Variants in USP53 observed in about 807,000 individuals in gnomAD.
USP53 encodes ubiquitin carboxyl-terminal hydrolase 53.
USP53 carries 71 observed loss-of-function variants against 94.9 expected under a neutral mutation model. The observed-to-expected ratio is 0.75, with a 90% CI of 0.62 to 0.91. The LOEUF is 0.91. USP53 is among the 40% of genes least tolerant of loss of function. The pLI, the probability that USP53 is intolerant of heterozygous loss-of-function variation, is 0.00. For missense variants in USP53, 1,173 were observed against 1,281.0 expected (o/e 0.92, Z 1.29); for synonymous variants, 375 against 422.7 (o/e 0.89, Z 1.39).
chr4:119,271,550 C>A lies in USP53; in HGVS notation c.1690C>A (p.Gln564Lys), dbSNP rs1369604962. The change falls in exon 16 of 19, where the codon CAA (glutamine) becomes AAA (lysine). Residue 564 changes from glutamine to lysine, a missense_variant. By Grantham distance (53) the Gln-to-Lys change is moderately conservative. Transcript: ENST00000692078. ...CACTGGATATGACACAGACAGCAGC[C>A]AAGATTCTAGGGATAGAGGAAACAG... is the stretch of plus-strand genomic sequence containing the variant. The part of the protein sequence containing the change: ...NGTGYDTDSS[Q>K]DSRDRGNSCD... 5 of 1,613,394 alleles carry A rather than the reference C, an allele frequency of 3.1e-6. No individual in the cohort carries two copies. In the African/African-American group the frequency reaches 4.0e-5, roughly 13 times the overall value.
intron 3 of USP53, among the ~76,000 whole-genome samples, chr4:119,233,970 G>A (rs940300651): frequency 6.6e-6 from 1 of 152,142 alleles, no homozygotes; most frequent in Non-Finnish European, 1.5e-5. Context: ...GGAACTTCCT[G>A]TTGACCTGCT....
rs1375783504 is a variant in USP53 at position 119,292,709 on chromosome 4, C to T, written c.2720C>T (p.Ser907Phe). The T allele has an allele frequency of 1.2e-6, 2 of 1,614,100 alleles. No homozygotes were observed. Among genetic ancestry groups the T allele is most frequent in the South Asian group, 2.2e-5 (2 of 91,084 alleles). Reference protein sequence around the residue: ...TECIIRSASRSDGCQMPKLFC... With the variant: ...TECIIRSASRFDGCQMPKLFC... ...TGTATAATTCGGTCAGCCAGCAGAT[C>T]TGATGGGTGTCAGATGCCAAAACTT... is the stretch of plus-strand genomic sequence containing the variant. Residue 907 changes from serine (S) to phenylalanine (F), a missense_variant, in exon 19 of 19, where the codon TCT becomes TTT. Coordinates refer to ENST00000692078, the MANE Select transcript of USP53 (RefSeq NM_001371395.1).
At chr4:119,227,572 A>G (rs1745474540) in intron 3 of USP53, among the ~76,000 whole-genome samples, 1 of 152,212 alleles carries the variant, frequency 6.6e-6, no homozygotes, top group African/African-American at 2.4e-5. Context: ...CGGAGCTTGC[A>G]GTGAGCCGAG....
At chr4:119,278,590 C>G (rs1018043968) in intron 17 of USP53, among the ~76,000 whole-genome samples, 1 of 116,556 alleles carries the variant, frequency 8.6e-6, no homozygotes, top group African/African-American at 3.1e-5. Flanking sequence ...TGGAGTTGCT[C>G]TTCTTGAGGA....
rs534190282 is a variant in USP53 at position 119,292,247 on chromosome 4, A to G, written c.2349-91A>G. 4.8e-5 allele frequency: 64 copies of G among 1,344,390 alleles called. No individual in the cohort carries two copies. In the African/African-American group the frequency reaches 6.5e-4, roughly 14 times the overall value. 83.3% of individuals were successfully genotyped at this position (1,344,390 alleles called of 1,614,324 possible). A position where few individuals can be genotyped will look rare whatever the true frequency, so the allele number is the denominator to read the frequency against. On this transcript the variant is annotated intron_variant, in intron 18 of 18. Coordinates refer to ENST00000692078, the MANE Select transcript of USP53 (RefSeq NM_001371395.1). Reference sequence around the variant, plus strand: ...AAAATAATATAAACTGTATTTTGGGAAAATCAAACTACAAAACAAATGTTT... The same window carrying G: ...AAAATAATATAAACTGTATTTTGGGGAAATCAAACTACAAAACAAATGTTT...
At chr4:119,220,216 A>C (rs1744329710) in intron 3 of USP53, 1 of 152,102 alleles carries the variant, frequency 6.6e-6, no homozygotes, top group Non-Finnish European at 1.5e-5. Flanking sequence ...GATATGGGGG[A>C]GACTTGGTTT....
intron 17 of USP53, among the ~76,000 whole-genome samples, chr4:119,274,347 G>A (rs1752303341): frequency 1.3e-5 from 2 of 149,522 alleles, no homozygotes; most frequent in South Asian, 4.2e-4. Context: ...AATATGCCGT[G>A]TTTGGTTTTC....
chr4:119,213,637 A>AATATATAT (rs1178984967), intron 1 of USP53, among the ~76,000 whole-genome samples: 2 of 40,690 alleles, frequency 4.9e-5, no homozygotes, highest in African/African-American at 2.7e-4. Flanking sequence ...CTTATCTGGA[A>AATATATAT]ATAGATATAT....
intron 10 of USP53, 94 bp downstream of exon 10, chr4:119,260,019 CTAGAATTAGCT>C: frequency 1.2e-6 from 1 of 803,714 alleles, no homozygotes; most frequent in Non-Finnish European, 1.8e-6. Flanking sequence ...GATTCTATAT[CTAGAATTAGCT>C]TTAAGAATTT....
At chr4:119,260,728 A>G in intron 11 of USP53, 75 bp downstream of exon 11, 1 of 1,545,704 alleles carries the variant, frequency 6.5e-7, no homozygotes, top group Non-Finnish European at 8.8e-7. Flanking sequence ...GTTTTATCTG[A>G]TAACGACAAG....
intron 13 of USP53, 124 bp from the exon 14 acceptor site, chr4:119,268,144 G>T (rs374774104): frequency 9.9e-7 from 1 of 1,007,134 alleles, no homozygotes; most frequent in Admixed American, 3.1e-5. Context: ...TCCGCAGTCC[G>T]GCCTGGGCGA....
Position 119,293,441 on chromosome 4 carries a change from G to A in USP53, c.*230G>A, listed in dbSNP as rs916353306. On this transcript the variant is annotated 3_prime_UTR_variant, in exon 19 of 19. Coordinates refer to ENST00000692078, the MANE Select transcript of USP53 (RefSeq NM_001371395.1). ...TGTTAATCACTATACATATGTATGT[G>A]TATATGTGTATACACATATATAATT... 4.5e-6 allele frequency: 2 copies of A among 444,946 alleles called. No individual in the cohort carries two copies. Among genetic ancestry groups the A allele is most frequent in the Non-Finnish European group, 4.0e-6 (1 of 252,378 alleles). 27.6% of individuals were successfully genotyped at this position (444,946 alleles called of 1,614,324 possible). A position where few individuals can be genotyped will look rare whatever the true frequency, so the allele number is the denominator to read the frequency against.
intron 17 of USP53, among the ~76,000 whole-genome samples, chr4:119,280,303 G>T (rs1421388556): frequency 6.6e-6 from 1 of 151,320 alleles, no homozygotes; most frequent in Non-Finnish European, 1.5e-5. Flanking sequence ...TTTGATACTA[G>T]CCCTTAAAAC....
At position 119,292,869 on chromosome 4, in the gene USP53, G is replaced by A. The variant is rs1561368116; in HGVS notation, c.2880G>A (p.Lys960=). ...TTAAAGCTACCTCTCATCTTCCGAAGCACAGTTTAAGTACAGCTTCAGAAC... is the reference window on the plus strand; with the variant it reads ...TTAAAGCTACCTCTCATCTTCCGAAACACAGTTTAAGTACAGCTTCAGAAC... ...EVFKATSHLP[K]HSLSTASEPS... Residue 960 remains lysine, a synonymous_variant, in exon 19 of 19, where the codon AAG becomes AAA. Transcript: ENST00000692078. 6.2e-7 allele frequency: 1 copy of A among 1,614,090 alleles called. No homozygotes were observed. The highest frequency in any genetic ancestry group is 1.1e-5 in the South Asian group (1 of 91,082).
Position 119,293,177 on chromosome 4 carries a change from A to G in USP53, c.3188A>G (p.Glu1063Gly). The change falls in exon 19 of 19, where the codon GAG becomes GGG. Residue 1063 changes from glutamate (E) to glycine (G), a missense_variant. Glu to Gly is a moderately conservative substitution (Grantham distance 98). Transcript: ENST00000692078. ...YHQRPKLSFP[E>G]SSGFCNNSLS ...CAGAGGCCCAAGCTCTCTTTTCCAG[A>G]GAGCAGTGGCTTTTGTAATAATTCA... 6.2e-7 allele frequency: 1 copy of G among 1,608,184 alleles called. No homozygotes were observed. Among genetic ancestry groups the G allele is most frequent in the African/African-American group, 1.3e-5 (1 of 74,740 alleles).
chr4:119,234,628 C>A (rs759478999), intron 3 of USP53, among the ~76,000 whole-genome samples: 9 of 152,046 alleles, frequency 5.9e-5, no homozygotes, highest in Non-Finnish European at 1.3e-4. Flanking sequence ...AATGTACTAC[C>A]AATATAGAAC....
At chr4:119,291,033 T>A in intron 17 of USP53, 132 bp from the exon 18 acceptor site, 1 of 513,678 alleles carries the variant, frequency 1.9e-6, no homozygotes, top group South Asian at 3.7e-5. Context: ...TTCATTTTTT[T>A]AAATTGGAAG....
upstream of USP53, chr4:119,212,614 G>T: frequency 2.5e-6 from 1 of 404,144 alleles, no homozygotes; most frequent in South Asian, 1.8e-5. Flanking sequence ...TTGATCGCAG[G>T]TGTCACTGGC....
At chr4:119,222,944 T>A (rs1263629248) in intron 3 of USP53, among the ~76,000 whole-genome samples, 1 of 152,200 alleles carries the variant, frequency 6.6e-6, no homozygotes, top group African/African-American at 2.4e-5. Context: ...TTTATTACAC[T>A]TCTTTGTAAT....
Sources: gnomAD v4.1 joint callset for allele counts (sites outside exome capture counted in the v4.1 genomes callset) on GRCh38, gnomAD v4.1.1 for gene constraint, MANE v1.5 for transcripts, NCBI Gene and HGNC (gene_info 2026-07-23, HGNC 2026-07-21) for gene names.